RPS6KC1: variants seen among roughly 807,000 people sequenced by gnomAD.
The protein encoded by RPS6KC1 is inactive ribosomal protein S6 kinase delta-1.
Under a neutral mutation model 103.8 loss-of-function variants are expected in RPS6KC1, and 54 were observed. The ratio of observed to expected loss-of-function variants is 0.52; its 90% CI spans 0.42 to 0.65. RPS6KC1 has a LOEUF of 0.65. Among genes scored for constraint, RPS6KC1 ranks in the 30% least tolerant of loss-of-function variants. The probability of loss-of-function intolerance (pLI) is 0.00; values close to 1 mark genes in which losing one functional copy is unlikely to be tolerated. For synonymous variants in RPS6KC1, 439 were observed against 438.7 expected (o/e 1.00, Z -0.01); for missense variants, 1,151 against 1,253.8 (o/e 0.92, Z 1.24).
chr1:213,378,674 T>G, the RPS6KC1 span, among the ~76,000 whole-genome samples: 1 of 152,232 alleles, frequency 6.6e-6, no homozygotes, highest in South Asian at 2.1e-4. Context: ...ATATCCATAT[T>G]TATTCATTCG....
At chr1:213,459,272 CT>C in the RPS6KC1 span, among the ~76,000 whole-genome samples, 1 of 152,196 alleles carries the variant, frequency 6.6e-6, no homozygotes, top group African/African-American at 2.4e-5. Context: ...TAATTACTGC[CT>C]CAATTTCAGA....
chr1:213,641,207 A>G, the RPS6KC1 span, among the ~76,000 whole-genome samples: 804 of 151,780 alleles, frequency 5.3e-3, 4 homozygotes, highest in African/African-American at 0.019. Context: ...AAGCACTTTT[A>G]TAATTGCTTT....
chr1:213,618,229 C>T, the RPS6KC1 span, among the ~76,000 whole-genome samples: 1 of 152,126 alleles, frequency 6.6e-6, no homozygotes, highest in South Asian at 2.1e-4. Flanking sequence ...ACAATGATCC[C>T]AGTGTAACTT....
the RPS6KC1 span, among the ~76,000 whole-genome samples, chr1:213,560,332 T>TG: frequency 6.6e-6 from 1 of 152,180 alleles, no homozygotes; most frequent in East Asian, 1.9e-4. Context: ...AAGTCATAAA[T>TG]ATTTAAAATA....
chr1:213,422,362 T>C, the RPS6KC1 span, among the ~76,000 whole-genome samples: 1 of 152,186 alleles, frequency 6.6e-6, no homozygotes, highest in African/African-American at 2.4e-5. Flanking sequence ...TATTCTATTA[T>C]AGGTATATGC....
At chr1:213,545,521 C>G in the RPS6KC1 span, among the ~76,000 whole-genome samples, 1 of 152,014 alleles carries the variant, frequency 6.6e-6, no homozygotes, top group African/African-American at 2.4e-5. Context: ...CATTATCTTT[C>G]CTTTGTGAGT....
the RPS6KC1 span, among the ~76,000 whole-genome samples, chr1:213,486,982 G>A: frequency 6.6e-6 from 1 of 152,158 alleles, no homozygotes; most frequent in Non-Finnish European, 1.5e-5. Context: ...CTGCCTTCTA[G>A]CTACATCTGG....
intron 3 of RPS6KC1, among the ~76,000 whole-genome samples, chr1:213,104,033 C>T (rs536522786): frequency 6.6e-6 from 1 of 152,202 alleles, no homozygotes; most frequent in South Asian, 2.1e-4. Flanking sequence ...TCATAATTTC[C>T]TCTCTTCAGC....
chr1:213,366,294 T>A, the RPS6KC1 span, among the ~76,000 whole-genome samples: 2 of 152,186 alleles, frequency 1.3e-5, no homozygotes, highest in Non-Finnish European at 2.9e-5. Flanking sequence ...ACGGAGACAA[T>A]GAATGGGAAA....
At chr1:213,508,397 A>T in the RPS6KC1 span, among the ~76,000 whole-genome samples, 1 of 152,252 alleles carries the variant, frequency 6.6e-6, no homozygotes, top group Non-Finnish European at 1.5e-5. Context: ...TGGCCCCCAG[A>T]AAGAGCATCT....
intron 10 of RPS6KC1, among the ~76,000 whole-genome samples, chr1:213,238,360 T>C (rs2817985): frequency 0.073 from 11,077 of 152,216 alleles, 577 homozygotes; most frequent in African/African-American, 0.14. Flanking sequence ...AAAAGCCCAT[T>C]ATGAATTCTT....
At chr1:213,608,712 A>G in the RPS6KC1 span, among the ~76,000 whole-genome samples, 1 of 152,228 alleles carries the variant, frequency 6.6e-6, no homozygotes, top group African/African-American at 2.4e-5. Flanking sequence ...GTGATTTTCC[A>G]TCTTTTTAAT....
At position 213,241,853 on chromosome 1, in the gene RPS6KC1, C is replaced by G; in HGVS notation, c.2377C>G (p.Pro793Ala). 1 of 1,613,926 alleles carries G rather than the reference C, an allele frequency of 6.2e-7. No homozygotes were observed. The highest frequency in any genetic ancestry group is 1.1e-5 in the South Asian group (1 of 91,080). ...TAGTTCAGGAGATATGTCTTTGTTA[C>G]CCAGCTCAGATCCTAAGTTTCAAGG... ...HSSSGDMSLL[P>A]SSDPKFQGLG... The change falls in exon 11 of 15, where the codon CCC becomes GCC. Residue 793 changes from proline (P) to alanine (A), a missense_variant. Around this residue, in one of 3 missense-constraint regions of RPS6KC1, gnomAD observed 959 missense variants for 1,006.3 expected, o/e 0.95. Transcript: ENST00000366960.
chr1:213,197,843 C>T (rs542500497), intron 8 of RPS6KC1, among the ~76,000 whole-genome samples: 28 of 152,086 alleles, frequency 1.8e-4, no homozygotes, highest in Admixed American at 3.3e-4. Context: ...TATGTGCGTC[C>T]GTATGTGTTA....
At chr1:213,377,272 T>G in the RPS6KC1 span, among the ~76,000 whole-genome samples, 2 of 152,328 alleles carry the variant, frequency 1.3e-5, no homozygotes, top group East Asian at 1.9e-4. Flanking sequence ...TTGAAGGAAG[T>G]TCCGTTGAAA....
At chr1:213,145,698 TA>T (rs1485472317) in intron 6 of RPS6KC1, among the ~76,000 whole-genome samples, 3 of 152,174 alleles carry the variant, frequency 2.0e-5, no homozygotes, top group African/African-American at 7.2e-5. Flanking sequence ...ACAAGTCTTT[TA>T]AAAAATACAT....
chr1:213,774,752 G>T, the RPS6KC1 span, among the ~76,000 whole-genome samples: 1 of 152,270 alleles, frequency 6.6e-6, no homozygotes, highest in South Asian at 2.1e-4. Context: ...TTTCCTCAGA[G>T]CCCATTAATT....
the RPS6KC1 span, among the ~76,000 whole-genome samples, chr1:213,790,832 A>G: frequency 6.6e-6 from 1 of 152,200 alleles, no homozygotes; most frequent in African/African-American, 2.4e-5. Flanking sequence ...GGTGACATCA[A>G]TACAAACTGA....
chr1:213,644,429 A>G, the RPS6KC1 span, among the ~76,000 whole-genome samples: 3 of 152,068 alleles, frequency 2.0e-5, no homozygotes, highest in African/African-American at 7.2e-5. Flanking sequence ...TGCACTTTCT[A>G]TGGGTTTGGA....
Sources: allele counts gnomAD v4.1 joint callset (sites outside exome capture counted in the v4.1 genomes callset), GRCh38; gene constraint gnomAD v4.1.1; regional missense constraint gnomAD v4.1.1; transcripts MANE v1.5; gene names NCBI Gene and HGNC (gene_info 2026-07-23, HGNC 2026-07-21).